The following DIAPH2 variants were observed in gnomAD, a reference collection of about 807,000 sequenced individuals.
The protein encoded by DIAPH2 is diaphanous related formin 2, also known as protein diaphanous homolog 2.
In DIAPH2, 35 loss-of-function variants were observed where a neutral mutation model predicts 92.7. The ratio of observed to expected loss-of-function variants is 0.38; its 90% CI spans 0.29 to 0.50. The LOEUF (loss-of-function observed/expected upper bound fraction) is 0.50, where lower values mean the gene tolerates loss of function less well. Among genes scored for constraint, DIAPH2 ranks in the 20% least tolerant of loss-of-function variants. The probability of loss-of-function intolerance (pLI) is 0.94; values close to 1 mark genes in which losing one functional copy is unlikely to be tolerated. For synonymous variants in DIAPH2, 301 were observed against 280.4 expected (o/e 1.07, Z -0.73); for missense variants, 701 against 819.5 (o/e 0.86, Z 1.77).
At chrX:97,510,240 T>G (rs1188443236) in intron 26 of DIAPH2, among the ~76,000 whole-genome samples, 1 of 110,130 alleles carries the variant, frequency 9.1e-6, no homozygotes, top group Admixed American at 9.5e-5. Context: ...GGTTTTGATT[T>G]GCATTTCTCT....
At chrX:97,116,280 ATC>A (rs770611949) in intron 21 of DIAPH2, among the ~76,000 whole-genome samples, 1 of 112,226 alleles carries the variant, frequency 8.9e-6, no homozygotes, top group African/African-American at 3.2e-5. Context: ...AATTGTGAAC[ATC>A]TGTTTACTCC....
At chrX:96,857,930 A>G (rs1056830899) in intron 4 of DIAPH2, among the ~76,000 whole-genome samples, 8 of 112,526 alleles carry the variant, frequency 7.1e-5, no homozygotes, top group Admixed American at 5.7e-4. Context: ...AAGCTAAGCT[A>G]TAAGTATTTT....
chrX:96,742,202 C>A (rs764338426), intron 3 of DIAPH2, among the ~76,000 whole-genome samples: 2 of 111,804 alleles, frequency 1.8e-5, no homozygotes, highest in South Asian at 7.5e-4. Flanking sequence ...TTCTCACATT[C>A]TACAGTCAAA....
rs2071597473 is a variant in DIAPH2, at chrX:97,601,716, C to CCTT, written c.*2400_*2402dup. On this transcript the variant is annotated 3_prime_UTR_variant, in exon 27 of 27. Transcript: ENST00000324765. Reference sequence around the variant, plus strand: ...AGAATATTTTTAAAAGGTACAGAATCCTTAAAATATTAACAACTAATTGCA... The same window carrying CCTT: ...AGAATATTTTTAAAAGGTACAGAATCCTTCTTAAAATATTAACAACTAATTGCA... 1 of 112,246 alleles carries CCTT rather than the reference C, an allele frequency of 8.9e-6. No individual in the cohort carries two copies. Among genetic ancestry groups the CCTT allele is most frequent in the African/African-American group, 3.2e-5 (1 of 30,882 alleles). 9.3% of individuals were successfully genotyped at this position (112,246 alleles called of 1,213,427 possible).
intron 17 of DIAPH2, among the ~76,000 whole-genome samples, chrX:97,061,006 A>G (rs1463130319): frequency 8.9e-6 from 1 of 112,034 alleles, no homozygotes; most frequent in Non-Finnish European, 1.9e-5. Flanking sequence ...GCACACACAC[A>G]CACACGCAAC....
chrX:97,247,559 A>G (rs770154261), intron 22 of DIAPH2, among the ~76,000 whole-genome samples, 156 bp from the exon 23 acceptor site: 101 of 111,238 alleles, frequency 9.1e-4, no homozygotes, highest in African/African-American at 3.2e-3. Flanking sequence ...TGGAGAGTAG[A>G]ATTTTTATAA....
intron 26 of DIAPH2, among the ~76,000 whole-genome samples, chrX:97,512,185 GAGA>G (rs1302569486): frequency 1.1e-4 from 13 of 113,347 alleles, no homozygotes; most frequent in Non-Finnish European, 2.1e-4. Flanking sequence ...CACAATTTCA[GAGA>G]CTCTTATTGG....
chrX:97,477,813 T>C (rs1314517591), intron 26 of DIAPH2, among the ~76,000 whole-genome samples: 1 of 111,831 alleles, frequency 8.9e-6, no homozygotes, highest in Non-Finnish European at 1.9e-5. Context: ...TGAAATTATA[T>C]TTCCCTATAA....
chrX:96,690,405 ATACAG>A (rs1297471004), intron 1 of DIAPH2, among the ~76,000 whole-genome samples: 4 of 111,801 alleles, frequency 3.6e-5, no homozygotes, highest in African/African-American at 9.8e-5. Context: ...TTTAGATAAA[ATACAG>A]TAAGGAATGA....
chrX:96,758,143 A>G lies in DIAPH2; in HGVS notation c.343-11A>G. 1 of 1,172,444 alleles carries G rather than the reference A, an allele frequency of 8.5e-7. No individual in the cohort carries two copies. The highest frequency in any genetic ancestry group is 1.1e-6 in the Non-Finnish European group (1 of 877,571). ...TTTATCAATGCCCACAGTAAATGTTATCTCTTACAGGAGGACATGAACCTT... is the reference window on the plus strand; with the variant it reads ...TTTATCAATGCCCACAGTAAATGTTGTCTCTTACAGGAGGACATGAACCTT... On this transcript the variant is annotated splice_polypyrimidine_tract_variant and intron_variant, in intron 3 of 26. Coordinates refer to ENST00000324765, the MANE Select transcript of DIAPH2 (RefSeq NM_006729.5).
intron 23 of DIAPH2, among the ~76,000 whole-genome samples, chrX:97,265,504 C>T (rs2068328753): frequency 9.0e-6 from 1 of 111,570 alleles, no homozygotes; most frequent in Admixed American, 9.6e-5. Flanking sequence ...GTGATGGTGA[C>T]TGGGGAGCCA....
At chrX:97,374,933 C>T (rs1349948066) in intron 24 of DIAPH2, among the ~76,000 whole-genome samples, 1 of 111,792 alleles carries the variant, frequency 8.9e-6, no homozygotes, top group Non-Finnish European at 1.9e-5. Context: ...ACTGTATCTT[C>T]CTACTTGTAA....
At chrX:97,386,707 T>A (rs1402617542) in intron 25 of DIAPH2, among the ~76,000 whole-genome samples, 1 of 108,901 alleles carries the variant, frequency 9.2e-6, no homozygotes, top group Non-Finnish European at 1.9e-5. Context: ...AGTTAGCTCC[T>A]TTATGTGCAG....
At chrX:96,912,643 A>AT (rs200832036) in intron 7 of DIAPH2, 91 bp downstream of exon 7, 19 of 979,026 alleles carry the variant, frequency 1.9e-5, no homozygotes, top group East Asian at 1.4e-4. Context: ...TTTTTTTATT[A>AT]TTTTTTTTAA....
At chrX:96,849,010 G>T (rs1756857031) in intron 4 of DIAPH2, among the ~76,000 whole-genome samples, 1 of 111,775 alleles carries the variant, frequency 8.9e-6, no homozygotes, top group African/African-American at 3.3e-5. Context: ...GTCATTTGCT[G>T]ATTTTTGGCC....
chrX:96,966,556 T>C (rs2065894886), intron 17 of DIAPH2, among the ~76,000 whole-genome samples: 1 of 112,243 alleles, frequency 8.9e-6, no homozygotes, highest in Non-Finnish European at 1.9e-5. Context: ...TGTTTTTTAT[T>C]CCTTGCTGTT....
chrX:97,477,183 G>A (rs955202686), intron 26 of DIAPH2, among the ~76,000 whole-genome samples: 27 of 103,717 alleles, frequency 2.6e-4, no homozygotes, highest in Non-Finnish European at 4.3e-4. Context: ...TACAAAAATC[G>A]GCCAGGCATG....
intron 21 of DIAPH2, among the ~76,000 whole-genome samples, chrX:97,119,886 C>G (rs772695880): frequency 8.0e-4 from 89 of 111,888 alleles, no homozygotes; most frequent in African/African-American, 2.5e-3. Context: ...TGGCCCCACT[C>G]CCACCATGCC....
intron 1 of DIAPH2, among the ~76,000 whole-genome samples, chrX:96,709,610 G>A (rs1322518646): frequency 8.9e-6 from 1 of 111,898 alleles, no homozygotes; most frequent in African/African-American, 3.2e-5. Context: ...GTATTTTGAT[G>A]TCATAAATTA....
Sources: allele counts gnomAD v4.1 joint callset (sites outside exome capture counted in the v4.1 genomes callset), GRCh38; gene constraint gnomAD v4.1.1; transcripts MANE v1.5; gene names NCBI Gene and HGNC (gene_info 2026-07-23, HGNC 2026-07-21).